Variants in PSG7 observed in about 807,000 individuals in gnomAD.
PSG7 encodes pregnancy specific beta-1-glycoprotein 7.
PSG7 carries 57 observed loss-of-function variants against 45.6 expected under a neutral mutation model. That is an observed-to-expected ratio of 1.25 (90% CI 1.01 to 1.56). The LOEUF is 1.56. Ranked by LOEUF, PSG7 falls within the 40% of genes most tolerant of loss-of-function variation. The pLI is 0.00. For synonymous variants in PSG7, 298 were observed against 194.4 expected (o/e 1.53, Z -4.43); for missense variants, 796 against 508.4 (o/e 1.57, Z -5.44).
At chr19:42,928,200 T>A (rs1460070655) in intron 3 of PSG7, among the ~76,000 whole-genome samples, 1 of 151,696 alleles carries the variant, frequency 6.6e-6, no homozygotes, top group Non-Finnish European at 1.5e-5. Flanking sequence ...CTATTTTCTA[T>A]GTCATGAGAA....
At chr19:42,928,760 A>C (rs138627425) in intron 3 of PSG7, among the ~76,000 whole-genome samples, 1 of 151,264 alleles carries the variant, frequency 6.6e-6, no homozygotes, top group Non-Finnish European at 1.5e-5. Flanking sequence ...TGGAAAACAT[A>C]TTGCCAATGC....
chr19:42,935,495 G>T lies in PSG7; in HGVS notation c.339C>A (p.Thr113=), dbSNP rs782405884. The part of the protein sequence containing the change: ...SNASLLIQNV[T]QEDTGSYTLH... The stretch of plus-strand genomic sequence containing the variant: ...AAGTGTAGGATCCTGTGTCTTCCTG[G>T]GTGACATTCTGGATCAGCAGGGATG... The change falls in exon 2 of 6, where the codon ACC becomes ACA. Residue 113 remains threonine (T), a synonymous_variant. Coordinates refer to ENST00000406070, the MANE Select transcript of PSG7 (RefSeq NM_002783.3). The T allele has an allele frequency of 2.6e-5, 42 of 1,611,930 alleles. 1 individual carries two copies. Among genetic ancestry groups the T allele is most frequent in the South Asian group, 8.8e-5 (8 of 90,792 alleles).
chr19:42,936,009 TC>T, intron 1 of PSG7: 1 of 754,262 alleles, frequency 1.3e-6, no homozygotes, highest in Non-Finnish European at 1.9e-6. Flanking sequence ...CCCCATTCCT[TC>T]AACACTCCTG....
At position 42,931,077 on chromosome 19, in the gene PSG7, G is replaced by A. The variant is rs369807579; in HGVS notation, c.431-1357C>T. 5.9e-5 allele frequency among the ~76,000 whole-genome samples: 9 copies of A among 151,608 alleles called. No homozygotes were observed. In the East Asian group the frequency reaches 1.5e-3, roughly 26 times the overall value. On this transcript the variant is annotated intron_variant, in intron 2 of 5. Coordinates refer to ENST00000406070, the MANE Select transcript of PSG7 (RefSeq NM_002783.3). The stretch of plus-strand genomic sequence containing the variant: ...GAGCATTTCAGATTGTGGATTTCTG[G>A]ATTTGGGATGCTCAATTCGTAATAC...
intron 2 of PSG7, among the ~76,000 whole-genome samples, chr19:42,934,831 T>G (rs1416218686): frequency 6.6e-6 from 1 of 151,650 alleles, no homozygotes; most frequent in African/African-American, 2.4e-5. Flanking sequence ...TGAAGAAAGC[T>G]CTGTCCTTGC....
intron 3 of PSG7, among the ~76,000 whole-genome samples, chr19:42,927,852 C>T (rs1418320878): frequency 6.6e-6 from 1 of 151,480 alleles, no homozygotes; most frequent in African/African-American, 2.4e-5. Flanking sequence ...GAGCTTGATG[C>T]CTATAGTTCA....
intron 2 of PSG7, among the ~76,000 whole-genome samples, chr19:42,931,728 T>C (rs1470487416): frequency 2.0e-5 from 3 of 151,372 alleles, no homozygotes; most frequent in African/African-American, 7.3e-5. Flanking sequence ...AGTAAAACCA[T>C]GAGATAGCAC....
At chr19:42,924,847 A>T in intron 5 of PSG7, 23 bp from the exon 6 acceptor site, 1 of 762,774 alleles carries the variant, frequency 1.3e-6, no homozygotes, top group East Asian at 2.4e-5. Context: ...ATAAAAACAC[A>T]GAAACAATGA....
intron 2 of PSG7, among the ~76,000 whole-genome samples, chr19:42,930,056 C>G (rs571833329): frequency 1.7e-4 from 26 of 151,768 alleles, no homozygotes; most frequent in African/African-American, 5.8e-4. Context: ...TTGTGGTCCT[C>G]ACTTGGAGCA....
At position 42,929,556 on chromosome 19, in the gene PSG7, T is replaced by G; in HGVS notation, c.595A>C (p.Asn199His). 7 of 1,612,590 alleles carry G rather than the reference T, an allele frequency of 4.3e-6. No individual in the cohort carries two copies. Among genetic ancestry groups the G allele is most frequent in the Non-Finnish European group, 5.9e-6 (7 of 1,179,248 alleles). The change falls in exon 3 of 6, where the codon AAC becomes CAC. Residue 199 changes from asparagine (N) to histidine (H), a missense_variant. Transcript: ENST00000406070. Reference protein sequence around the residue: ...MTHSLQLSETNRTLYLFGVTN... With the variant: ...MTHSLQLSETHRTLYLFGVTN... Reference sequence around the variant, plus strand: ...ACACCAAATAGGTAGAGGGTCCTGTTGGTTTCAGACAGCTGCAAGCTGTGA... The same window carrying G: ...ACACCAAATAGGTAGAGGGTCCTGTGGGTTTCAGACAGCTGCAAGCTGTGA...
In PSG7 at chr19:42,924,695, C is replaced by G; in HGVS notation, c.*113G>C. On this transcript the variant is annotated 3_prime_UTR_variant, in exon 6 of 6. Coordinates refer to ENST00000406070, the MANE Select transcript of PSG7 (RefSeq NM_002783.3). ...CAGACATCAGGTACAAGGATTTTCC[C>G]ATGAAATTTACATTGAGTTGTCCAA... The G allele has an allele frequency of 1.3e-6, 1 of 764,414 alleles. No homozygotes were observed. Among genetic ancestry groups the G allele is most frequent in the Non-Finnish European group, 2.4e-6 (1 of 417,118 alleles). 47.4% of individuals were successfully genotyped at this position (764,414 alleles called of 1,614,324 possible).
intron 2 of PSG7, among the ~76,000 whole-genome samples, chr19:42,931,317 T>G (rs1370734778): frequency 6.6e-6 from 1 of 150,588 alleles, no homozygotes; most frequent in Middle Eastern, 3.2e-3. Context: ...CAGGATCACA[T>G]TATGCTCAAA....
At chr19:42,934,483 G>A (rs1244972537) in intron 2 of PSG7, among the ~76,000 whole-genome samples, 2 of 151,582 alleles carry the variant, frequency 1.3e-5, no homozygotes, top group Non-Finnish European at 2.9e-5. Flanking sequence ...GTGCTTTCCT[G>A]TGACTCAGTT....
At position 42,931,512 on chromosome 19, in the gene PSG7, G is replaced by T. The variant is rs1437043062; in HGVS notation, c.431-1792C>A. On this transcript the variant is annotated intron_variant, in intron 2 of 5. Transcript: ENST00000406070. ...TGCTTATAATTTCTGGGCAGAGTTA[G>T]GAAAAATGCGGAGGACCCCAAAACA... Among the ~76,000 whole-genome samples the T allele has an allele frequency of 1.3e-5, 2 of 151,628 alleles. 1 individual carries two copies. Among genetic ancestry groups the T allele is most frequent in the Non-Finnish European group, 2.9e-5 (2 of 67,926 alleles).
Position 42,937,202 on chromosome 19 carries a change from A to C in PSG7, c.-126T>G. On this transcript the variant is annotated 5_prime_UTR_variant, in exon 1 of 6. Transcript: ENST00000406070. ...CTGAGCCTCTTCCCGGGGCAGGAGCACTTCTCAAGCTCATGGGTGGGGTCA... is the reference window on the plus strand; with the variant it reads ...CTGAGCCTCTTCCCGGGGCAGGAGCCCTTCTCAAGCTCATGGGTGGGGTCA... 1 of 1,393,570 alleles carries C rather than the reference A, an allele frequency of 7.2e-7. No individual in the cohort carries two copies. The highest frequency in any genetic ancestry group is 1.4e-5 in the South Asian group (1 of 71,218). 86.3% of individuals were successfully genotyped at this position (1,393,570 alleles called of 1,614,324 possible).
rs565463241 is a variant in PSG7, at chr19:42,933,382, G to A, written c.430+2022C>T. Among the ~76,000 whole-genome samples, 88 of 138,182 alleles carry A rather than the reference G, an allele frequency of 6.4e-4. 1 individual carries two copies. The highest frequency in any genetic ancestry group is 2.3e-3 in the African/African-American group (86 of 37,120). 90.7% of individuals were successfully genotyped at this position (138,182 alleles called of 152,430 possible). ...TGTCTGGCAATTATAAGAGTGGATG[G>A]AGGAACTGCCTATCCCTGTCCCATG... On this transcript the variant is annotated intron_variant, in intron 2 of 5. Transcript: ENST00000406070.
intron 3 of PSG7, 87 bp from the exon 4 acceptor site, chr19:42,926,803 C>A (rs1486258889): frequency 3.8e-6 from 6 of 1,563,782 alleles, no homozygotes; most frequent in Non-Finnish European, 4.3e-6. Flanking sequence ...GCATCTCCCA[C>A]CTGTCAACAC....
Position 42,933,294 on chromosome 19 carries a change from TATATA to T in PSG7, c.430+2105_430+2109del, listed in dbSNP as rs1457684503. 5.9e-4 allele frequency among the ~76,000 whole-genome samples: 9 copies of T among 15,222 alleles called. 1 individual carries two copies. In the East Asian group the frequency reaches 7.7e-3, roughly 13 times the overall value. 10.0% of individuals were successfully genotyped at this position (15,222 alleles called of 152,430 possible). On this transcript the variant is annotated intron_variant, in intron 2 of 5. Coordinates refer to ENST00000406070, the MANE Select transcript of PSG7 (RefSeq NM_002783.3). ...ATATATATATATATATATATATATA[TATATA>T]TATATATATTTTTTTTTTTTTTTGG...
chr19:42,936,001 C>T (rs1287642307), intron 1 of PSG7, among the ~76,000 whole-genome samples: 1 of 151,012 alleles, frequency 6.6e-6, no homozygotes, highest in Non-Finnish European at 1.5e-5. Flanking sequence ...AGCATGACCC[C>T]CATTCCTTCA....
Sources: gnomAD v4.1 joint callset for allele counts (sites outside exome capture counted in the v4.1 genomes callset) on GRCh38, gnomAD v4.1.1 for gene constraint, MANE v1.5 for transcripts, NCBI Gene and HGNC (gene_info 2026-07-23, HGNC 2026-07-21) for gene names.